PLOD2: variants seen among roughly 807,000 people sequenced by gnomAD.
PLOD2 encodes the protein lysine hydroxylase 2.
PLOD2 carries 65 observed loss-of-function variants against 101.0 expected under a neutral mutation model. The ratio of observed to expected loss-of-function variants is 0.64; its 90% CI spans 0.53 to 0.79. The LOEUF (loss-of-function observed/expected upper bound fraction) is 0.79. Among genes scored for constraint, PLOD2 ranks in the 30% least tolerant of loss-of-function variants. The pLI, the probability that PLOD2 is intolerant of heterozygous loss-of-function variation, is 0.00. For synonymous variants in PLOD2, 314 were observed against 302.9 expected, an observed-to-expected ratio of 1.04 and a Z score of -0.38; for missense variants, 909 against 914.6, an observed-to-expected ratio of 0.99 and a Z score of 0.08.
chr3:146,095,901 C>A (rs71621132), intron 7 of PLOD2, among the ~76,000 whole-genome samples: 2,969 of 143,492 alleles, frequency 0.021, 78 homozygotes, highest in Non-Finnish European at 0.03. Flanking sequence ...TCTCCCCCCT[C>A]CCCCCTCTCC....
Position 146,072,277 on chromosome 3 carries a change from T to A in PLOD2, c.1848+284A>T, listed in dbSNP as rs200597103. Among the ~76,000 whole-genome samples the A allele has an allele frequency of 2.2e-4, 8 of 35,782 alleles. No individual in the cohort carries two copies. The East Asian group carries it at 7.1e-3, about 32-fold the overall frequency. 23.5% of individuals were successfully genotyped at this position (35,782 alleles called of 152,430 possible). A position where few individuals can be genotyped will look rare whatever the true frequency, so the allele number is the denominator to read the frequency against. ...AGAGTGACATCACTCTGTAAAGACA[T>A]GTGTTACCTAACAAACTCTGGCCTG... On this transcript the variant is annotated intron_variant, in intron 17 of 19. Transcript: ENST00000282903.
intron 1 of PLOD2, among the ~76,000 whole-genome samples, chr3:146,138,735 A>G (rs1419863233): frequency 6.6e-6 from 1 of 152,156 alleles, no homozygotes; most frequent in Non-Finnish European, 1.5e-5. Flanking sequence ...TTCAAATGTA[A>G]TAGCAAGCTA....
At chr3:146,149,348 T>C (rs770454077) in intron 1 of PLOD2, among the ~76,000 whole-genome samples, 1 of 152,176 alleles carries the variant, frequency 6.6e-6, no homozygotes, top group Non-Finnish European at 1.5e-5. Flanking sequence ...TTAAATCTGG[T>C]TATAGAAAAT....
At chr3:146,126,953 A>G (rs903230285) in intron 1 of PLOD2, among the ~76,000 whole-genome samples, 2 of 152,182 alleles carry the variant, frequency 1.3e-5, no homozygotes, top group African/African-American at 4.8e-5. Flanking sequence ...GCCATATGTG[A>G]TAAATACTGA....
At chr3:146,087,281 T>G (rs1192122512) in intron 9 of PLOD2, among the ~76,000 whole-genome samples, 1 of 151,970 alleles carries the variant, frequency 6.6e-6, no homozygotes, top group Non-Finnish European at 1.5e-5. Context: ...CCTAGAAATC[T>G]TAGATATATG....
chr3:146,153,829 CA>C (rs57315523), intron 1 of PLOD2, among the ~76,000 whole-genome samples: 22,018 of 110,228 alleles, frequency 0.2, 1,657 homozygotes, highest in African/African-American at 0.3. Flanking sequence ...GTCCACAGCA[CA>C]AAAAAAAAAA....
In PLOD2 at chr3:146,081,871, CAGAG is replaced by C. The variant is rs1312426108; in HGVS notation, c.1233-12_1233-9del. Reference sequence around the variant, plus strand: ...AGAGGAGCAATGATCTTTCTAAAGACAGAGAGAGTGTGTGTGAGAGAGAGAAACC... The same window carrying C: ...AGAGGAGCAATGATCTTTCTAAAGACAGAGTGTGTGTGAGAGAGAGAAACC... On this transcript the variant is annotated splice_polypyrimidine_tract_variant and intron_variant, in intron 11 of 19. Transcript: ENST00000282903. The C allele has an allele frequency of 1.9e-6, 3 of 1,610,808 alleles. No homozygotes were observed. The highest frequency in any genetic ancestry group is 1.3e-5 in the African/African-American group (1 of 74,830).
At chr3:146,128,880 C>CTTTTTT (rs3975816) in intron 1 of PLOD2, among the ~76,000 whole-genome samples, 911 of 73,314 alleles carry the variant, frequency 0.012, 88 homozygotes, top group Non-Finnish European at 0.019. Context: ...ATCTGAAATC[C>CTTTTTT]TTTTTTTTTT....
intron 15 of PLOD2, chr3:146,073,743 C>T (rs1003836924): frequency 1.3e-5 from 2 of 151,792 alleles, no homozygotes; most frequent in African/African-American, 2.4e-5. Context: ...GTAAAGCCAC[C>T]GTAAGTTGGG....
intron 7 of PLOD2, among the ~76,000 whole-genome samples, chr3:146,102,214 A>G (rs1216617768): frequency 6.6e-6 from 1 of 152,230 alleles, no homozygotes; most frequent in Non-Finnish European, 1.5e-5. Flanking sequence ...CTTTTCATCT[A>G]TAAATTTTGC....
At chr3:146,089,417 A>C (rs1031610568) in intron 8 of PLOD2, among the ~76,000 whole-genome samples, 30 of 151,586 alleles carry the variant, frequency 2.0e-4, no homozygotes, top group African/African-American at 6.5e-4. Context: ...TCCTGGCTTG[A>C]AAGACTTACA....
At chr3:146,124,758 T>A (rs1377515158) in intron 1 of PLOD2, among the ~76,000 whole-genome samples, 1 of 152,146 alleles carries the variant, frequency 6.6e-6, no homozygotes, top group African/African-American at 2.4e-5. Context: ...TCTTAATTTT[T>A]TTCTCCTATC....
At chr3:146,159,658 AT>A (rs1408710699) in intron 1 of PLOD2, among the ~76,000 whole-genome samples, 1 of 152,220 alleles carries the variant, frequency 6.6e-6, no homozygotes, top group Admixed American at 6.5e-5. Context: ...TTTTTAAATT[AT>A]GCAAAAGTTT....
chr3:146,114,859 C>T (rs1010716407), intron 3 of PLOD2, among the ~76,000 whole-genome samples: 23 of 152,232 alleles, frequency 1.5e-4, no homozygotes, highest in Admixed American at 5.9e-4. Context: ...GGCCTAGAGA[C>T]GCATCAATCC....
rs568150614 is a variant in PLOD2 at position 146,083,803 on chromosome 3, G to A, written c.1232+1366C>T. 2.0e-5 allele frequency among the ~76,000 whole-genome samples: 3 copies of A among 151,644 alleles called. 1 individual carries two copies. The highest frequency in any genetic ancestry group is 6.4e-3 in the Middle Eastern group (2 of 314). On this transcript the variant is annotated intron_variant, in intron 11 of 19. Coordinates refer to ENST00000282903, the MANE Select transcript of PLOD2 (RefSeq NM_182943.3). Reference sequence around the variant, plus strand: ...TCACTGTGTTAGCCAGGATGATCTCGATCTCCTGACCTCGTGATCCACCCA... The same window carrying A: ...TCACTGTGTTAGCCAGGATGATCTCAATCTCCTGACCTCGTGATCCACCCA...
chr3:146,106,435 A>G (rs1417772866), intron 5 of PLOD2, 97 bp downstream of exon 5: 8 of 757,824 alleles, frequency 1.1e-5, no homozygotes, highest in Non-Finnish European at 1.9e-5. Flanking sequence ...TTGCCATACT[A>G]TCATAAAACC....
At chr3:146,099,406 T>G (rs535652555) in intron 7 of PLOD2, among the ~76,000 whole-genome samples, 2 of 152,258 alleles carry the variant, frequency 1.3e-5, no homozygotes, top group African/African-American at 4.8e-5. Flanking sequence ...CAAAGACATT[T>G]AAATTTTTGA....
chr3:146,072,801 A>G (rs1037485845), intron 16 of PLOD2, 136 bp from the exon 17 acceptor site: 13 of 658,718 alleles, frequency 2.0e-5, no homozygotes, highest in African/African-American at 9.2e-5. Context: ...GTTTATTGAC[A>G]GTATTTTTTT....
chr3:146,084,926 G>C (rs1482845091), intron 11 of PLOD2, among the ~76,000 whole-genome samples: 1 of 152,000 alleles, frequency 6.6e-6, no homozygotes, highest in East Asian at 1.9e-4. Flanking sequence ...GCTTTAAACA[G>C]AAAAATGGGC....
Sources: gnomAD v4.1 joint callset for allele counts (sites outside exome capture counted in the v4.1 genomes callset) on GRCh38, gnomAD v4.1.1 for gene constraint, MANE v1.5 for transcripts, NCBI Gene and HGNC (gene_info 2026-07-23, HGNC 2026-07-21) for gene names.